The following DAGLB variants were observed in gnomAD, a reference collection of about 807,000 sequenced individuals.
The protein encoded by DAGLB is diacylglycerol lipase-beta.
Under a neutral mutation model 72.1 loss-of-function variants are expected in DAGLB, and 66 were observed. The observed-to-expected ratio is 0.92, with a 90% CI of 0.75 to 1.12. DAGLB has a LOEUF of 1.12. Among genes scored for constraint, DAGLB ranks in the 50% most tolerant of loss-of-function variants. The pLI is 0.00. For synonymous variants in DAGLB, 414 were observed against 359.5 expected, an observed-to-expected ratio of 1.15 and a Z score of -1.71; for missense variants, 1,065 against 884.9, an observed-to-expected ratio of 1.20 and a Z score of -2.58.
chr7:6,425,905 G>T (rs1359214938), intron 7 of DAGLB, 83 bp downstream of exon 7: 2 of 1,583,668 alleles, frequency 1.3e-6, no homozygotes, highest in Non-Finnish European at 8.6e-7. Flanking sequence ...ATTACGGGAA[G>T]AATAATTCAT....
intron 6 of DAGLB, 103 bp downstream of exon 6, chr7:6,430,377 T>C: frequency 7.8e-7 from 1 of 1,280,686 alleles, no homozygotes. Context: ...AAAGGATTCA[T>C]GGGAGTTCTT....
chr7:6,425,326 C>T (rs2115264077), intron 7 of DAGLB, among the ~76,000 whole-genome samples: 1 of 152,190 alleles, frequency 6.6e-6, no homozygotes, highest in East Asian at 1.9e-4. Context: ...GGCTGGAGTG[C>T]AATGGCGCAA....
chr7:6,446,221 C>G (rs2115303583), intron 1 of DAGLB, 117 bp from the exon 2 acceptor site: 1 of 1,059,728 alleles, frequency 9.4e-7, no homozygotes, highest in Non-Finnish European at 1.3e-6. Context: ...GTAATCACAG[C>G]ACTTTGGGAG....
intron 2 of DAGLB, among the ~76,000 whole-genome samples, chr7:6,440,059 A>G (rs1784779905): frequency 7.8e-6 from 1 of 128,772 alleles, no homozygotes; most frequent in African/African-American, 3.1e-5. Flanking sequence ...CTCAAAAAAA[A>G]AAAAAAAAGA....
At chr7:6,443,000 C>T (rs573872657) in intron 2 of DAGLB, among the ~76,000 whole-genome samples, 2 of 143,268 alleles carry the variant, frequency 1.4e-5, no homozygotes, top group East Asian at 2.0e-4. Flanking sequence ...AGTGAAACCC[C>T]GTCTCTTCTA....
At position 6,416,554 on chromosome 7, in the gene DAGLB, A is replaced by AG. The variant is rs1783923234; in HGVS notation, c.1427+72dup. On this transcript the variant is annotated intron_variant, in intron 11 of 14. Transcript: ENST00000297056. ...CAAGACTTCATCTCAGGAAAATAAA[A>AG]GAAAAAAAAGATGAGTCTTGACCAC... 1.5e-5 allele frequency: 22 copies of AG among 1,515,028 alleles called. No individual in the cohort carries two copies. The South Asian group carries it at 2.7e-4, about 18-fold the overall frequency. The allele number at this position is 1,515,028 out of a possible 1,614,324, so 93.8% of individuals were successfully genotyped here.
rs374059982 is a variant in DAGLB, at chr7:6,425,968, G to A, written c.1056+20C>T. Reference sequence around the variant, plus strand: ...CAGGACCCAAAAGAAGTGAAGAGCCGCTGTCTGCAGCGTCCACACCTTGTC... The same window carrying A: ...CAGGACCCAAAAGAAGTGAAGAGCCACTGTCTGCAGCGTCCACACCTTGTC... On this transcript the variant is annotated intron_variant, in intron 7 of 14. Transcript: ENST00000297056. 29 of 1,612,236 alleles carry A rather than the reference G, an allele frequency of 1.8e-5. No homozygotes were observed. The highest frequency in any genetic ancestry group is 8.0e-5 in the African/African-American group (6 of 74,898).
intron 6 of DAGLB, among the ~76,000 whole-genome samples, chr7:6,428,035 A>G (rs944195883): frequency 6.6e-6 from 1 of 152,208 alleles, no homozygotes; most frequent in Admixed American, 6.5e-5. Flanking sequence ...AATGTAGAAG[A>G]AATGATGAAT....
intron 13 of DAGLB, among the ~76,000 whole-genome samples, chr7:6,411,302 C>A (rs879874785): frequency 6.6e-6 from 1 of 152,092 alleles, no homozygotes; most frequent in Admixed American, 6.6e-5. Flanking sequence ...AGCCACCGGG[C>A]CCGCCCTAGA....
At chr7:6,415,602 G>A (rs1265970817) in intron 11 of DAGLB, among the ~76,000 whole-genome samples, 1 of 121,702 alleles carries the variant, frequency 8.2e-6, no homozygotes, top group Non-Finnish European at 1.7e-5. Flanking sequence ...ATTTTGGGAG[G>A]CCAAGGTGGC....
At chr7:6,418,953 C>T (rs994344671) in intron 9 of DAGLB, among the ~76,000 whole-genome samples, 27 of 151,852 alleles carry the variant, frequency 1.8e-4, no homozygotes, top group African/African-American at 5.8e-4. Flanking sequence ...CGTGAGCCAC[C>T]GCACCTGGCT....
intron 2 of DAGLB, among the ~76,000 whole-genome samples, chr7:6,441,313 A>C (rs1270611864): frequency 6.8e-6 from 1 of 147,480 alleles, no homozygotes; most frequent in Non-Finnish European, 1.5e-5. Context: ...GGATGGTCTC[A>C]ATCTCCTCAC....
intron 5 of DAGLB, among the ~76,000 whole-genome samples, chr7:6,431,070 C>T (rs1240285027): frequency 1.3e-5 from 2 of 152,060 alleles, no homozygotes; most frequent in African/African-American, 2.4e-5. Flanking sequence ...GCCACCACGC[C>T]CAGCCTGACT....
intron 2 of DAGLB, among the ~76,000 whole-genome samples, chr7:6,441,601 A>T (rs188608416): frequency 7.9e-5 from 10 of 127,116 alleles, no homozygotes; most frequent in East Asian, 2.4e-4. Flanking sequence ...GTATTTTTAG[A>T]AGAGACGGGG....
intron 6 of DAGLB, among the ~76,000 whole-genome samples, chr7:6,429,132 G>C (rs1276539051): frequency 6.6e-6 from 1 of 152,024 alleles, no homozygotes; most frequent in Non-Finnish European, 1.5e-5. Flanking sequence ...TGGTCTCAAG[G>C]CTGGCAGTCA....
intron 8 of DAGLB, among the ~76,000 whole-genome samples, chr7:6,423,975 C>G (rs989293882): frequency 2.6e-5 from 4 of 152,090 alleles, no homozygotes; most frequent in African/African-American, 9.7e-5. Context: ...CTGGTGCCTC[C>G]CGGGAGACCC....
intron 9 of DAGLB, among the ~76,000 whole-genome samples, chr7:6,419,868 G>A (rs1226949822): frequency 6.6e-6 from 1 of 152,174 alleles, no homozygotes; most frequent in South Asian, 2.1e-4. Flanking sequence ...AGGGCCAGGC[G>A]TGGTGGCTCA....
intron 8 of DAGLB, among the ~76,000 whole-genome samples, chr7:6,424,246 A>C (rs1238323390): frequency 1.3e-5 from 2 of 152,188 alleles, no homozygotes; most frequent in African/African-American, 4.8e-5. Flanking sequence ...GGAAGACAGA[A>C]GAGGGGCCAT....
At chr7:6,430,366 TA>T in intron 6 of DAGLB, 113 bp downstream of exon 6, 1 of 1,243,862 alleles carries the variant, frequency 8.0e-7, no homozygotes, top group Non-Finnish European at 1.0e-6. Flanking sequence ...TGACTCTAGG[TA>T]AAGGATTCAT....
Sources: allele counts gnomAD v4.1 joint callset (sites outside exome capture counted in the v4.1 genomes callset), GRCh38; gene constraint gnomAD v4.1.1; transcripts MANE v1.5; gene names NCBI Gene and HGNC (gene_info 2026-07-23, HGNC 2026-07-21).